The following NXPH1 variants were observed in gnomAD, a reference collection of about 807,000 sequenced individuals.
NXPH1 encodes the protein neurexophilin 1, also known as neurexophilin-1.
NXPH1 carries 5 observed loss-of-function variants against 23.7 expected under a neutral mutation model. The observed-to-expected ratio is 0.21, with a 90% confidence interval of 0.11 to 0.44. The LOEUF (loss-of-function observed/expected upper bound fraction) is 0.44. Among genes scored for constraint, NXPH1 ranks in the 20% least tolerant of loss-of-function variants. The probability of loss-of-function intolerance (pLI) is 0.99; values close to 1 mark genes in which losing one functional copy is unlikely to be tolerated. For synonymous variants in NXPH1, 144 were observed against 122.2 expected (o/e 1.18, Z -1.18); for missense variants, 324 against 321.6 (o/e 1.01, Z -0.06).
chr7:8,517,091 G>T (rs1362255704), intron 2 of NXPH1, among the ~76,000 whole-genome samples: 2 of 152,138 alleles, frequency 1.3e-5, no homozygotes, highest in African/African-American at 2.4e-5. Flanking sequence ...GCATAATAAA[G>T]CACCAAGAAC....
chr7:8,545,737 C>T (rs1282605968), intron 2 of NXPH1, among the ~76,000 whole-genome samples: 4 of 151,414 alleles, frequency 2.6e-5, no homozygotes, highest in Admixed American at 2.6e-4. Context: ...TGCTTAGACT[C>T]CAGTGAGCTT....
chr7:8,733,007 C>A (rs993523514), intron 2 of NXPH1, among the ~76,000 whole-genome samples: 2 of 152,126 alleles, frequency 1.3e-5, no homozygotes, highest in African/African-American at 4.8e-5. Flanking sequence ...AAGTATTTCT[C>A]CTAATGCTAT....
At chr7:8,734,371 C>A (rs747202326) in intron 2 of NXPH1, among the ~76,000 whole-genome samples, 1 of 152,122 alleles carries the variant, frequency 6.6e-6, no homozygotes, top group East Asian at 1.9e-4. Flanking sequence ...TTTTTTGGTT[C>A]TATATGAAAT....
intron 2 of NXPH1, among the ~76,000 whole-genome samples, chr7:8,606,125 T>G (rs1819483958): frequency 6.6e-6 from 1 of 152,270 alleles, no homozygotes; most frequent in South Asian, 2.1e-4. Flanking sequence ...AACAGACAAG[T>G]TGACCTTTTC....
intron 2 of NXPH1, among the ~76,000 whole-genome samples, chr7:8,575,954 T>C (rs1818746696): frequency 1.3e-5 from 2 of 152,124 alleles, no homozygotes; most frequent in Admixed American, 1.3e-4. Context: ...AGAACTGCTA[T>C]CAACAAACTT....
chr7:8,481,856 T>C (rs1205817690), intron 2 of NXPH1, among the ~76,000 whole-genome samples: 1 of 152,162 alleles, frequency 6.6e-6, no homozygotes, highest in Admixed American at 6.5e-5. Flanking sequence ...CCCCAGTGTC[T>C]ATTGTTACCA....
rs146830718 is a variant in NXPH1 at position 8,540,786 on chromosome 7, T to G, written c.54+105019T>G. On this transcript the variant is annotated intron_variant, in intron 2 of 2. Transcript: ENST00000405863. ...ACTCACACAGTGCCAGCAATAGTGC[T>G]GGTTTCCTCCAGTCAGACTTGAAAA... 2.9e-3 allele frequency among the ~76,000 whole-genome samples: 446 copies of G among 151,836 alleles called. 3 individuals carry two copies. The highest frequency in any genetic ancestry group is 0.01 in the African/African-American group (428 of 41,492).
intron 2 of NXPH1, among the ~76,000 whole-genome samples, chr7:8,445,321 T>C (rs1326105307): frequency 6.6e-6 from 1 of 152,150 alleles, no homozygotes; most frequent in East Asian, 1.9e-4. Flanking sequence ...TGTACTAACT[T>C]AGAGGAACAA....
At chr7:8,718,745 C>A (rs1335176646) in intron 2 of NXPH1, among the ~76,000 whole-genome samples, 1 of 152,180 alleles carries the variant, frequency 6.6e-6, no homozygotes, top group Non-Finnish European at 1.5e-5. Flanking sequence ...GGGGGAAAAA[C>A]CACTTATATT....
chr7:8,608,329 A>ATTT (rs34703338), intron 2 of NXPH1, among the ~76,000 whole-genome samples: 1,494 of 143,770 alleles, frequency 0.01, 29 homozygotes, highest in African/African-American at 0.036. Context: ...AAATTCAGTG[A>ATTT]TTTTTTTTTT....
chr7:8,558,962 A>T (rs1011271663), intron 2 of NXPH1, among the ~76,000 whole-genome samples: 2 of 151,532 alleles, frequency 1.3e-5, no homozygotes, highest in African/African-American at 2.4e-5. Context: ...TAATATTGGG[A>T]TCTTTTTATT....
intron 2 of NXPH1, among the ~76,000 whole-genome samples, chr7:8,730,408 G>A (rs1175649526): frequency 8.7e-5 from 13 of 149,910 alleles, no homozygotes; most frequent in East Asian, 7.8e-4. Flanking sequence ...TATTTTGCTC[G>A]TTAGTTGATG....
intron 2 of NXPH1, among the ~76,000 whole-genome samples, chr7:8,439,939 A>G (rs1301962233): frequency 6.6e-6 from 1 of 152,224 alleles, no homozygotes; most frequent in African/African-American, 2.4e-5. Context: ...ATTCTAATCA[A>G]TTTGAGCTTA....
chr7:8,656,112 C>G (rs1004515101), intron 2 of NXPH1, among the ~76,000 whole-genome samples: 1 of 152,156 alleles, frequency 6.6e-6, no homozygotes, highest in African/African-American at 2.4e-5. Context: ...TGATTTATAT[C>G]ATTGGCTTCA....
At chr7:8,574,830 A>T (rs1055973954) in intron 2 of NXPH1, among the ~76,000 whole-genome samples, 1 of 152,178 alleles carries the variant, frequency 6.6e-6, no homozygotes, top group Non-Finnish European at 1.5e-5. Flanking sequence ...CTGTGCATCA[A>T]GTGTAAATGA....
intron 2 of NXPH1, among the ~76,000 whole-genome samples, chr7:8,699,524 C>T (rs1000145163): frequency 3.9e-5 from 6 of 152,038 alleles, no homozygotes; most frequent in African/African-American, 1.4e-4. Context: ...TAATTTTGAA[C>T]AGATATGACA....
intron 2 of NXPH1, among the ~76,000 whole-genome samples, chr7:8,691,800 A>G (rs1388653181): frequency 1.3e-5 from 2 of 152,206 alleles, no homozygotes; most frequent in Non-Finnish European, 2.9e-5. Context: ...TTAAATAGGG[A>G]AGACAAGCAA....
intron 2 of NXPH1, among the ~76,000 whole-genome samples, chr7:8,618,908 TTTTTCTC>T (rs1819804294): frequency 6.6e-6 from 1 of 152,196 alleles, no homozygotes; most frequent in Non-Finnish European, 1.5e-5. Context: ...GGACCCAGTT[TTTTTCTC>T]TTTTGCTGCT....
At position 8,560,785 on chromosome 7, in the gene NXPH1, C is replaced by T. The variant is rs565919914; in HGVS notation, c.54+125018C>T. Among the ~76,000 whole-genome samples the T allele has an allele frequency of 2.6e-5, 4 of 151,764 alleles. No homozygotes were observed. The South Asian group carries it at 8.3e-4, about 31-fold the overall frequency. ...AAGCTGCTTAGGTCAGGGGGCTTTTCTTTGGCATTTAGCTCCCACATACTT... is the reference window on the plus strand; with the variant it reads ...AAGCTGCTTAGGTCAGGGGGCTTTTTTTTGGCATTTAGCTCCCACATACTT... On this transcript the variant is annotated intron_variant, in intron 2 of 2. Transcript: ENST00000405863.
Sources: gnomAD v4.1 joint callset for allele counts (sites outside exome capture counted in the v4.1 genomes callset) on GRCh38, gnomAD v4.1.1 for gene constraint, MANE v1.5 for transcripts, NCBI Gene and HGNC (gene_info 2026-07-23, HGNC 2026-07-21) for gene names.